The following TCF7L2 variants were observed in gnomAD, a reference collection of about 807,000 sequenced individuals.
The protein encoded by TCF7L2 is transcription factor 7-like 2.
Under a neutral mutation model 77.9 loss-of-function variants are expected in TCF7L2, and 23 were observed. The observed-to-expected ratio is 0.30, with a 90% confidence interval of 0.21 to 0.42. The LOEUF is 0.42. Ranked by LOEUF, TCF7L2 falls within the 10% of genes least tolerant of loss-of-function variation. The pLI is 1.00. For synonymous variants in TCF7L2, 413 were observed against 340.2 expected (o/e 1.21, Z -2.36); for missense variants, 654 against 793.1 (o/e 0.82, Z 2.11).
intron 4 of TCF7L2, among the ~76,000 whole-genome samples, chr10:112,971,856 A>G (rs1002891111): frequency 6.9e-6 from 1 of 145,248 alleles, no homozygotes; most frequent in African/African-American, 2.6e-5. Flanking sequence ...CAGGTGATCC[A>G]TCTGCTTTGG....
At position 112,950,686 on chromosome 10, in the gene TCF7L2, G is replaced by T. The variant is rs1215026759; in HGVS notation, c.-71G>T. On this transcript the variant is annotated 5_prime_UTR_variant, in exon 1 of 14. Transcript: ENST00000627217. ...TTTTTGGGGGGGCAAAACTTTTTGG[G>T]GGTGATTTTTTTTGGCTTTTCTTCC... The T allele has an allele frequency of 1.3e-6, 2 of 1,510,682 alleles. No individual in the cohort carries two copies. The highest frequency in any genetic ancestry group is 1.8e-6 in the Non-Finnish European group (2 of 1,131,600). 93.6% of individuals were successfully genotyped at this position (1,510,682 alleles called of 1,614,324 possible). A position where few individuals can be genotyped will look rare whatever the true frequency, so the allele number is the denominator to read the frequency against.
chr10:113,099,997 G>C (rs767116727), intron 5 of TCF7L2, among the ~76,000 whole-genome samples: 1 of 152,160 alleles, frequency 6.6e-6, no homozygotes, highest in Non-Finnish European at 1.5e-5. Context: ...TCTGTCCCAA[G>C]TTCCCACTCC....
At chr10:113,001,710 C>A (rs763163589) in intron 4 of TCF7L2, among the ~76,000 whole-genome samples, 3 of 152,180 alleles carry the variant, frequency 2.0e-5, no homozygotes, top group Non-Finnish European at 4.4e-5. Context: ...CAAACCAACT[C>A]ACCCTTGATC....
At chr10:113,045,941 CA>C (rs956387729) in intron 5 of TCF7L2, among the ~76,000 whole-genome samples, 1 of 152,150 alleles carries the variant, frequency 6.6e-6, no homozygotes, top group African/African-American at 2.4e-5. Flanking sequence ...ACTACCAAAA[CA>C]TTATTTTATA....
chr10:113,038,190 G>T (rs566754227), intron 4 of TCF7L2, among the ~76,000 whole-genome samples: 1 of 152,284 alleles, frequency 6.6e-6, no homozygotes, highest in African/African-American at 2.4e-5. Flanking sequence ...GTCCTTCAGT[G>T]TTTGGGGCAG....
At chr10:113,096,382 G>A (rs536318164) in intron 5 of TCF7L2, among the ~76,000 whole-genome samples, 196 of 152,314 alleles carry the variant, frequency 1.3e-3, no homozygotes, top group Middle Eastern at 6.8e-3. Context: ...GCTAATAGCA[G>A]ATCTGAGTTC....
chr10:113,059,184 G>T (rs189211342), intron 5 of TCF7L2, among the ~76,000 whole-genome samples: 12 of 152,110 alleles, frequency 7.9e-5, no homozygotes, highest in African/African-American at 2.4e-4. Context: ...GGGTTTTTTC[G>T]GATGCATTGG....
At chr10:112,951,347 C>T (rs2031143695) in intron 2 of TCF7L2, 74 bp downstream of exon 2, 1 of 985,116 alleles carries the variant, frequency 1.0e-6, no homozygotes, top group Non-Finnish European at 1.2e-6. Flanking sequence ...GCCCCGGCCC[C>T]GCGCCCGGCT....
At chr10:113,108,031 G>A (rs940724656) in intron 5 of TCF7L2, among the ~76,000 whole-genome samples, 1 of 151,104 alleles carries the variant, frequency 6.6e-6, no homozygotes, top group African/African-American at 2.4e-5. Context: ...TTTAGGGTCT[G>A]TCGGCTGACC....
chr10:113,108,434 T>C (rs1169124356), intron 5 of TCF7L2, among the ~76,000 whole-genome samples: 4 of 148,300 alleles, frequency 2.7e-5, no homozygotes. Flanking sequence ...GGGGATTGAA[T>C]GGGGCCATTG....
rs868011272 is a variant in TCF7L2, at chr10:113,126,325, G to A, written c.553-14859G>A. ...CTTTGGAGTGAAGTGGTCCCTCCAA[G>A]TTTATCTAAATTCAGCGAGTTTCCT... is the stretch of plus-strand genomic sequence containing the variant. On this transcript the variant is annotated intron_variant, in intron 5 of 13. Coordinates refer to ENST00000627217, the MANE Select transcript of TCF7L2 (RefSeq NM_001146274.2). Among the ~76,000 whole-genome samples, 4 of 152,250 alleles carry A rather than the reference G, an allele frequency of 2.6e-5. No individual in the cohort carries two copies. The Middle Eastern group carries it at 0.014, about 518-fold the overall frequency.
At chr10:113,066,330 A>T (rs77524636) in intron 5 of TCF7L2, among the ~76,000 whole-genome samples, 2,845 of 151,744 alleles carry the variant, frequency 0.019, 87 homozygotes, top group African/African-American at 0.066. Flanking sequence ...GCGCCATTGC[A>T]CTCTAGCTTG....
chr10:113,101,149 A>G (rs1299540582), intron 5 of TCF7L2, among the ~76,000 whole-genome samples: 3 of 152,122 alleles, frequency 2.0e-5, no homozygotes, highest in Non-Finnish European at 4.4e-5. Context: ...GTTCTACTCA[A>G]TGGATTGGTT....
chr10:113,152,591 C>T (rs866764595), intron 11 of TCF7L2, 151 bp downstream of exon 11: 7 of 621,578 alleles, frequency 1.1e-5, no homozygotes, highest in South Asian at 6.0e-5. Flanking sequence ...CTTCCTGGAT[C>T]GCTAAACTGC....
chr10:113,138,139 T>G (rs1182950394), intron 5 of TCF7L2, among the ~76,000 whole-genome samples: 1 of 152,210 alleles, frequency 6.6e-6, no homozygotes, highest in East Asian at 1.9e-4. Flanking sequence ...CACAGGGACC[T>G]GCCTGGCATG....
At chr10:113,136,835 T>C (rs2067481633) in intron 5 of TCF7L2, among the ~76,000 whole-genome samples, 1 of 152,242 alleles carries the variant, frequency 6.6e-6, no homozygotes, top group African/African-American at 2.4e-5. Context: ...CTAAATTTTC[T>C]TAGGGTGGTG....
intron 4 of TCF7L2, among the ~76,000 whole-genome samples, chr10:112,992,293 A>T (rs2042695231): frequency 1.3e-5 from 2 of 152,170 alleles, no homozygotes; most frequent in Admixed American, 1.3e-4. Flanking sequence ...GAAGCAGTGA[A>T]TGTGCGTCGG....
intron 12 of TCF7L2, 135 bp from the exon 14 acceptor site, chr10:113,159,785 A>G: frequency 1.7e-6 from 1 of 586,796 alleles, no homozygotes; most frequent in Non-Finnish European, 3.0e-6. Context: ...TCATTGATTT[A>G]TTCCCTTTTT....
chr10:113,046,631 C>A (rs548922764), intron 5 of TCF7L2, among the ~76,000 whole-genome samples: 2 of 152,328 alleles, frequency 1.3e-5, no homozygotes, highest in African/African-American at 4.8e-5. Context: ...TAATTCAAAT[C>A]ATCAGTGACT....
Sources: gnomAD v4.1 joint callset for allele counts (sites outside exome capture counted in the v4.1 genomes callset) on GRCh38, gnomAD v4.1.1 for gene constraint, MANE v1.5 for transcripts, NCBI Gene and HGNC (gene_info 2026-07-23, HGNC 2026-07-21) for gene names.